Variants in CHL1 observed in about 807,000 individuals in gnomAD.
CHL1 encodes the protein cell adhesion molecule L1 like, also known as neural cell adhesion molecule L1-like protein.
A neutral mutation model predicts 141.9 loss-of-function variants in CHL1; 96 were observed. The ratio of observed to expected loss-of-function variants is 0.68; its 90% CI spans 0.57 to 0.80. The LOEUF (loss-of-function observed/expected upper bound fraction) is 0.80. Among genes scored for constraint, CHL1 ranks in the 30% least tolerant of loss-of-function variants. The pLI is 0.00. For synonymous variants in CHL1, 613 were observed against 502.2 expected (o/e 1.22, Z -2.95); for missense variants, 1,820 against 1,457.2 (o/e 1.25, Z -4.05).
intron 2 of CHL1, among the ~76,000 whole-genome samples, chr3:270,517 C>T (rs776930579): frequency 2.6e-5 from 4 of 152,112 alleles, no homozygotes; most frequent in South Asian, 2.1e-4. Flanking sequence ...GCAGGGGATC[C>T]GGGTGCAAAA....
intron 11 of CHL1, among the ~76,000 whole-genome samples, chr3:357,141 A>G (rs1045249148): frequency 2.0e-5 from 3 of 152,220 alleles, no homozygotes; most frequent in African/African-American, 7.2e-5. Context: ...GAATAATGGT[A>G]GACTTCAAAC....
chr3:264,904 G>A (rs1695027739), intron 2 of CHL1, among the ~76,000 whole-genome samples: 1 of 152,202 alleles, frequency 6.6e-6, no homozygotes, highest in African/African-American at 2.4e-5. Context: ...CCACTTTGAA[G>A]TGCCTTTATT....
chr3:235,153 C>A (rs187289253), intron 1 of CHL1, among the ~76,000 whole-genome samples: 3 of 152,040 alleles, frequency 2.0e-5, no homozygotes, highest in Non-Finnish European at 4.4e-5. Context: ...TCCCTCCCCC[C>A]TCTTTCTAAA....
intron 19 of CHL1, among the ~76,000 whole-genome samples, chr3:388,099 A>G (rs1275177193): frequency 1.3e-5 from 2 of 152,254 alleles, no homozygotes; most frequent in African/African-American, 2.4e-5. Context: ...TTAAAATCGT[A>G]TTTTAAACTT....
intron 6 of CHL1, among the ~76,000 whole-genome samples, chr3:341,520 T>C (rs923708876): frequency 1.3e-5 from 2 of 152,178 alleles, no homozygotes; most frequent in Non-Finnish European, 2.9e-5. Context: ...TGTTTTTTCT[T>C]TTTAAATCAT....
At position 336,662 on chromosome 3, in the gene CHL1, G is replaced by A. The variant is rs887755769; in HGVS notation, c.386-4132G>A. On this transcript the variant is annotated intron_variant, in intron 5 of 27. Coordinates refer to ENST00000256509, the MANE Select transcript of CHL1 (RefSeq NM_006614.4). ...GTAACCAGTTAGTTTTCTAGTGCCT[G>A]GGCTAGAACCTAGTTTATGCTGTAG... Among the ~76,000 whole-genome samples, 38 of 152,188 alleles carry A rather than the reference G, an allele frequency of 2.5e-4. 1 individual carries two copies. Among genetic ancestry groups the A allele is most frequent in the Non-Finnish European group, 8.8e-5 (6 of 68,044 alleles).
chr3:197,895 G>C (rs770352834), intron 1 of CHL1: 44 of 425,882 alleles, frequency 1.0e-4, no homozygotes, highest in African/African-American at 9.2e-4. Flanking sequence ...TTTGGAGTGT[G>C]AGTGTGCGTG....
At chr3:390,605 T>C in intron 20 of CHL1, 96 bp from the exon 21 acceptor site, 1 of 703,398 alleles carries the variant, frequency 1.4e-6, no homozygotes. Context: ...ACAAAAGTGC[T>C]TTCTCCAGAA....
At chr3:307,818 A>G (rs997143277) in intron 2 of CHL1, among the ~76,000 whole-genome samples, 2 of 152,330 alleles carry the variant, frequency 1.3e-5, no homozygotes, top group Middle Eastern at 3.4e-3. Flanking sequence ...TTTGTTTAAG[A>G]CCTTTTGAAT....
intron 5 of CHL1, among the ~76,000 whole-genome samples, chr3:339,323 G>C (rs1702181029): frequency 6.6e-6 from 1 of 152,188 alleles, no homozygotes; most frequent in Non-Finnish European, 1.5e-5. Flanking sequence ...TTACCAAATA[G>C]CTGGCATGAT....
intron 5 of CHL1, among the ~76,000 whole-genome samples, chr3:334,893 G>A (rs1446909444): frequency 6.6e-6 from 1 of 152,116 alleles, no homozygotes; most frequent in Admixed American, 6.5e-5. Flanking sequence ...ACAAGAATGT[G>A]TATTATATTT....
intron 2 of CHL1, among the ~76,000 whole-genome samples, chr3:270,513 G>A (rs999759106): frequency 6.6e-6 from 1 of 152,162 alleles, no homozygotes. Context: ...AAGGGCAGGG[G>A]ATCCGGGTGC....
chr3:263,705 T>C (rs549655409), intron 2 of CHL1, among the ~76,000 whole-genome samples: 1 of 152,358 alleles, frequency 6.6e-6, no homozygotes, highest in South Asian at 2.1e-4. Flanking sequence ...GATTTGTGCA[T>C]GTATTTGCTT....
At chr3:256,598 G>A (rs768687187) in intron 2 of CHL1, among the ~76,000 whole-genome samples, 12 of 152,178 alleles carry the variant, frequency 7.9e-5, no homozygotes, top group Non-Finnish European at 7.3e-5. Context: ...TACATGTTCT[G>A]CAACACTCAG....
intron 1 of CHL1, among the ~76,000 whole-genome samples, chr3:239,675 T>C (rs1450553288): frequency 2.6e-5 from 4 of 151,936 alleles, no homozygotes; most frequent in Admixed American, 6.6e-5. Flanking sequence ...TCTTTTATGC[T>C]GATTTGTGAG....
chr3:283,988 C>T (rs1178822115), intron 2 of CHL1, among the ~76,000 whole-genome samples: 1 of 152,198 alleles, frequency 6.6e-6, no homozygotes, highest in African/African-American at 2.4e-5. Context: ...GATAGTCACA[C>T]TCTCCCTCAC....
intron 2 of CHL1, among the ~76,000 whole-genome samples, chr3:310,212 T>G (rs1699642516): frequency 1.3e-5 from 2 of 152,000 alleles, no homozygotes; most frequent in Non-Finnish European, 2.9e-5. Flanking sequence ...GGAGGATCAT[T>G]TAAGGCCAGG....
intron 15 of CHL1, among the ~76,000 whole-genome samples, chr3:370,575 T>G (rs1427469397): frequency 6.6e-6 from 1 of 152,136 alleles, no homozygotes; most frequent in Non-Finnish European, 1.5e-5. Context: ...ATTTATTTTT[T>G]TGGAGGGTTT....
chr3:397,447 A>G (rs540501825), intron 24 of CHL1, among the ~76,000 whole-genome samples: 184 of 152,260 alleles, frequency 1.2e-3, no homozygotes, highest in African/African-American at 4.2e-3. Flanking sequence ...AGTAAGAAAC[A>G]TATTTTATAT....
Sources: gnomAD v4.1 joint callset for allele counts (sites outside exome capture counted in the v4.1 genomes callset) on GRCh38, gnomAD v4.1.1 for gene constraint, MANE v1.5 for transcripts, NCBI Gene and HGNC (gene_info 2026-07-23, HGNC 2026-07-21) for gene names.